Variants in SLC2A13 observed in about 807,000 individuals in gnomAD.
The protein encoded by SLC2A13 is solute carrier family 2 member 13.
A neutral mutation model predicts 64.4 loss-of-function variants in SLC2A13; 32 were observed. That is an observed-to-expected ratio of 0.50 (90% CI 0.37 to 0.67). The LOEUF is 0.67. Ranked by LOEUF, SLC2A13 falls within the 30% of genes least tolerant of loss-of-function variation. The pLI is 0.00. For missense variants in SLC2A13, 743 were observed against 829.2 expected, an observed-to-expected ratio of 0.90 and a Z score of 1.28; for synonymous variants, 338 against 327.1, an observed-to-expected ratio of 1.03 and a Z score of -0.36.
chr12:39,780,099 G>A (rs957637013), intron 7 of SLC2A13, among the ~76,000 whole-genome samples: 2 of 152,100 alleles, frequency 1.3e-5, no homozygotes, highest in African/African-American at 2.4e-5. Flanking sequence ...ATTGACTAAC[G>A]TTTGTATAGA....
Position 39,759,764 on chromosome 12 carries a change from C to T in SLC2A13, c.*262G>A, listed in dbSNP as rs1231868842. Reference sequence around the variant, plus strand: ...CACTGGGTACAATATTCATTTTAGACTATTTCAGGAAGGCATTACACACAT... The same window carrying T: ...CACTGGGTACAATATTCATTTTAGATTATTTCAGGAAGGCATTACACACAT... On this transcript the variant is annotated 3_prime_UTR_variant, in exon 10 of 10. Transcript: ENST00000280871. 1 of 394,634 alleles carries T rather than the reference C, an allele frequency of 2.5e-6. No individual in the cohort carries two copies. The highest frequency in any genetic ancestry group is 4.6e-6 in the Non-Finnish European group (1 of 219,124). 24.4% of individuals were successfully genotyped at this position (394,634 alleles called of 1,614,324 possible).
At chr12:39,824,683 T>A (rs542248087) in intron 7 of SLC2A13, among the ~76,000 whole-genome samples, 1 of 152,122 alleles carries the variant, frequency 6.6e-6, no homozygotes, top group Admixed American at 6.5e-5. Context: ...TGTGAGGTGT[T>A]CCAGTAGGAC....
At chr12:39,960,905 A>G (rs1946401186) in intron 3 of SLC2A13, among the ~76,000 whole-genome samples, 1 of 149,260 alleles carries the variant, frequency 6.7e-6, no homozygotes, top group Non-Finnish European at 1.5e-5. Context: ...TCGCCACCAC[A>G]GCTGGCAAAA....
chr12:39,919,834 T>C (rs1363635130), intron 4 of SLC2A13, among the ~76,000 whole-genome samples: 5 of 152,162 alleles, frequency 3.3e-5, no homozygotes, highest in Non-Finnish European at 5.9e-5. Flanking sequence ...CCAGATATTT[T>C]GTGACTGGAT....
At chr12:39,856,452 T>A (rs1237061078) in intron 6 of SLC2A13, among the ~76,000 whole-genome samples, 1 of 152,200 alleles carries the variant, frequency 6.6e-6, no homozygotes, top group Admixed American at 6.5e-5. Context: ...CACTGTAACC[T>A]CTGCCTCCCG....
chr12:39,841,257 GT>G (rs1425936493), intron 6 of SLC2A13, among the ~76,000 whole-genome samples: 1 of 152,092 alleles, frequency 6.6e-6, no homozygotes, highest in African/African-American at 2.4e-5. Flanking sequence ...AGCCAGAATG[GT>G]TTTTCTTTGC....
chr12:39,995,927 C>T (rs1204621588), intron 3 of SLC2A13, among the ~76,000 whole-genome samples: 1 of 152,218 alleles, frequency 6.6e-6, no homozygotes, highest in Admixed American at 6.5e-5. Flanking sequence ...TCCCCAGCTA[C>T]ATGGAACTGT....
intron 1 of SLC2A13, among the ~76,000 whole-genome samples, chr12:40,058,089 A>G (rs1057308840): frequency 2.0e-5 from 3 of 151,210 alleles, no homozygotes; most frequent in African/African-American, 7.3e-5. Flanking sequence ...AGATAGATAG[A>G]TTGATTTACT....
At chr12:39,812,344 TTTCTTTTC>T (rs1276871430) in intron 7 of SLC2A13, among the ~76,000 whole-genome samples, 5 of 101,014 alleles carry the variant, frequency 4.9e-5, no homozygotes, top group African/African-American at 2.0e-4. Context: ...TCTTTTTTCT[TTTCTTTTC>T]TTTTCTTTTC....
intron 7 of SLC2A13, 32 bp downstream of exon 7, chr12:39,830,071 T>C: frequency 6.2e-7 from 1 of 1,612,534 alleles, no homozygotes. Context: ...GAAATATTAT[T>C]ATATATTCGT....
At chr12:39,915,139 CA>C (rs1945502407) in intron 4 of SLC2A13, among the ~76,000 whole-genome samples, 1 of 151,848 alleles carries the variant, frequency 6.6e-6, no homozygotes, top group African/African-American at 2.4e-5. Flanking sequence ...GTGCATATAG[CA>C]ACCTAATAGT....
intron 7 of SLC2A13, among the ~76,000 whole-genome samples, chr12:39,796,503 A>G (rs1261120497): frequency 6.6e-6 from 1 of 151,878 alleles, no homozygotes; most frequent in African/African-American, 2.4e-5. Flanking sequence ...CTTAAAAGCA[A>G]GCTGCTTGCC....
At chr12:39,987,585 G>A (rs1311631617) in intron 3 of SLC2A13, among the ~76,000 whole-genome samples, 1 of 152,190 alleles carries the variant, frequency 6.6e-6, no homozygotes, top group Non-Finnish European at 1.5e-5. Flanking sequence ...TCAACAGCAT[G>A]TAGAAGGTAC....
chr12:39,803,661 C>A (rs1260109106), intron 7 of SLC2A13, among the ~76,000 whole-genome samples: 2 of 151,952 alleles, frequency 1.3e-5, no homozygotes, highest in African/African-American at 4.8e-5. Flanking sequence ...AAGCAGTGAA[C>A]TGGATGAATG....
chr12:39,999,746 T>C (rs1378933123), intron 3 of SLC2A13, among the ~76,000 whole-genome samples: 2 of 152,244 alleles, frequency 1.3e-5, no homozygotes, highest in Non-Finnish European at 2.9e-5. Context: ...CAGGAGTTTC[T>C]GGTTTTGCCC....
chr12:39,926,073 T>C (rs904055552), intron 4 of SLC2A13, among the ~76,000 whole-genome samples: 2 of 152,132 alleles, frequency 1.3e-5, no homozygotes, highest in African/African-American at 2.4e-5. Flanking sequence ...TAAGTACTCA[T>C]AACACTGAAG....
At chr12:40,005,991 T>C (rs867862622) in intron 3 of SLC2A13, among the ~76,000 whole-genome samples, 4 of 152,202 alleles carry the variant, frequency 2.6e-5, no homozygotes, top group African/African-American at 9.7e-5. Flanking sequence ...ATCACATTTC[T>C]AGATGATTTA....
At chr12:39,930,700 T>C (rs1299623716) in intron 4 of SLC2A13, among the ~76,000 whole-genome samples, 1 of 152,222 alleles carries the variant, frequency 6.6e-6, no homozygotes, top group Non-Finnish European at 1.5e-5. Flanking sequence ...GACTTTTGTG[T>C]ATGTAATACT....
intron 2 of SLC2A13, among the ~76,000 whole-genome samples, chr12:40,047,777 C>A (rs1473112668): frequency 6.6e-6 from 1 of 152,070 alleles, no homozygotes; most frequent in African/African-American, 2.4e-5. Flanking sequence ...CATTTTTAAA[C>A]AAATATTGCA....
Sources: allele counts gnomAD v4.1 joint callset (sites outside exome capture counted in the v4.1 genomes callset), GRCh38; gene constraint gnomAD v4.1.1; transcripts MANE v1.5; gene names NCBI Gene and HGNC (gene_info 2026-07-23, HGNC 2026-07-21).